Variants in ENTREP2 observed in about 807,000 individuals in gnomAD.
ENTREP2 encodes the protein protein ENTREP2.
the ENTREP2 span, among the ~76,000 whole-genome samples, chr15:29,647,992 C>T: frequency 2.6e-5 from 4 of 152,172 alleles, no homozygotes; most frequent in Non-Finnish European, 5.9e-5. Context: ...CCTCCATGAA[C>T]TTAACAAAAA....
chr15:29,245,458 A>C, the ENTREP2 span, among the ~76,000 whole-genome samples: 1 of 151,978 alleles, frequency 6.6e-6, no homozygotes, highest in African/African-American at 2.4e-5. Flanking sequence ...AAGGGTTAAA[A>C]TACGTAAATG....
At chr15:29,566,198 C>T in the ENTREP2 span, among the ~76,000 whole-genome samples, 70 of 151,876 alleles carry the variant, frequency 4.6e-4, no homozygotes, top group African/African-American at 1.6e-3. Context: ...CTTACTCCAT[C>T]GCCCAGGCTG....
chr15:29,410,072 G>A, the ENTREP2 span, among the ~76,000 whole-genome samples: 2 of 152,158 alleles, frequency 1.3e-5, no homozygotes, highest in South Asian at 4.1e-4. Context: ...TGCAGATGCT[G>A]CGTGCCTGCC....
the ENTREP2 span, among the ~76,000 whole-genome samples, chr15:29,275,102 T>C: frequency 6.6e-6 from 1 of 152,234 alleles, no homozygotes; most frequent in African/African-American, 2.4e-5. Context: ...TTGCATCTGC[T>C]ATTTTTCAAG....
At chr15:29,445,256 C>CT in the ENTREP2 span, among the ~76,000 whole-genome samples, 2 of 152,148 alleles carry the variant, frequency 1.3e-5, no homozygotes, top group African/African-American at 4.8e-5. Flanking sequence ...CATGCAGCTC[C>CT]TAACACTTGG....
the ENTREP2 span, among the ~76,000 whole-genome samples, chr15:29,127,699 C>T: frequency 6.6e-6 from 1 of 152,192 alleles, no homozygotes; most frequent in Non-Finnish European, 1.5e-5. Context: ...GCCCAGGTCC[C>T]AGGAGGGAGG....
chr15:29,549,756 T>C, the ENTREP2 span, among the ~76,000 whole-genome samples: 1 of 152,294 alleles, frequency 6.6e-6, no homozygotes, highest in East Asian at 1.9e-4. Context: ...ATTAAATGTC[T>C]ATAGCAGTCC....
chr15:29,670,379 C>T, the ENTREP2 span, among the ~76,000 whole-genome samples: 3 of 151,632 alleles, frequency 2.0e-5, no homozygotes, highest in Non-Finnish European at 4.4e-5. Flanking sequence ...AGCGGTGATT[C>T]CCAGGGACCT....
At chr15:29,428,930 T>C in the ENTREP2 span, among the ~76,000 whole-genome samples, 4 of 152,320 alleles carry the variant, frequency 2.6e-5, no homozygotes, top group South Asian at 4.2e-4. Flanking sequence ...ATTTGCAGCA[T>C]TGAGGATTTG....
At chr15:29,623,599 A>C in the ENTREP2 span, among the ~76,000 whole-genome samples, 1 of 152,214 alleles carries the variant, frequency 6.6e-6, no homozygotes, top group African/African-American at 2.4e-5. Context: ...AGAACAATAC[A>C]GAACTCATGA....
the ENTREP2 span, among the ~76,000 whole-genome samples, chr15:29,283,616 T>C: frequency 1.3e-5 from 2 of 152,012 alleles, no homozygotes; most frequent in African/African-American, 2.4e-5. Flanking sequence ...ACCAAAACAA[T>C]GCAGCACAGC....
the ENTREP2 span, among the ~76,000 whole-genome samples, chr15:29,348,706 C>A: frequency 6.6e-6 from 1 of 152,094 alleles, no homozygotes; most frequent in Non-Finnish European, 1.5e-5. Flanking sequence ...GAACTCCAGC[C>A]CCAGTAGGAA....
chr15:29,432,958 G>A, the ENTREP2 span, among the ~76,000 whole-genome samples: 11 of 152,252 alleles, frequency 7.2e-5, no homozygotes, highest in Admixed American at 4.6e-4. Flanking sequence ...CTCATCGCAC[G>A]CCCACCTCCA....
At chr15:29,200,181 T>C in the ENTREP2 span, among the ~76,000 whole-genome samples, 1 of 152,038 alleles carries the variant, frequency 6.6e-6, no homozygotes, top group Non-Finnish European at 1.5e-5. Flanking sequence ...TCTCTCCATA[T>C]ACATTTTTTT....
chr15:29,656,798 C>T, the ENTREP2 span, among the ~76,000 whole-genome samples: 1 of 152,164 alleles, frequency 6.6e-6, no homozygotes, highest in Non-Finnish European at 1.5e-5. Context: ...TTCGTTTCTT[C>T]TAAAGTTAAG....
chr15:29,306,536 A>C, the ENTREP2 span, among the ~76,000 whole-genome samples: 2 of 152,186 alleles, frequency 1.3e-5, no homozygotes, highest in South Asian at 4.1e-4. Flanking sequence ...TTTATAATTC[A>C]GCACATTTTT....
the ENTREP2 span, among the ~76,000 whole-genome samples, chr15:29,165,241 A>G: frequency 6.6e-6 from 1 of 152,170 alleles, no homozygotes; most frequent in Non-Finnish European, 1.5e-5. Flanking sequence ...ACACACTGAC[A>G]TTCTAAGGTC....
At chr15:29,600,898 C>CTT in the ENTREP2 span, among the ~76,000 whole-genome samples, 1,943 of 125,424 alleles carry the variant, frequency 0.015, 446 homozygotes, top group African/African-American at 0.069. Flanking sequence ...TATGATTTTT[C>CTT]TTTCTTTTTT....
the ENTREP2 span, among the ~76,000 whole-genome samples, chr15:29,550,668 C>T: frequency 1.3e-5 from 2 of 152,134 alleles, no homozygotes; most frequent in African/African-American, 4.8e-5. Flanking sequence ...TTTCCAGGAC[C>T]TTAAAACCAT....
Sources: allele counts gnomAD v4.1 joint callset (sites outside exome capture counted in the v4.1 genomes callset), GRCh38; gene constraint gnomAD v4.1.1; transcripts MANE v1.5; gene names NCBI Gene and HGNC (gene_info 2026-07-23, HGNC 2026-07-21).